The following ACTR3C variants were observed in gnomAD, a reference collection of about 807,000 sequenced individuals.
ACTR3C encodes actin-related protein 3C.
A neutral mutation model predicts 26.3 loss-of-function variants in ACTR3C; 18 were observed. The observed-to-expected ratio is 0.68, with a 90% CI of 0.47 to 1.01. ACTR3C has a LOEUF of 1.01. Ranked by LOEUF, ACTR3C falls within the 50% of genes least tolerant of loss-of-function variation. The pLI, the probability that ACTR3C is intolerant of heterozygous loss-of-function variation, is 0.00. For missense variants in ACTR3C, 184 were observed against 250.7 expected, an observed-to-expected ratio of 0.73 and a Z score of 1.80; for synonymous variants, 55 against 94.5, an observed-to-expected ratio of 0.58 and a Z score of 2.42.
chr7:150,067,300 G>T, the ACTR3C span, among the ~76,000 whole-genome samples: 2 of 152,194 alleles, frequency 1.3e-5, no homozygotes, highest in Non-Finnish European at 2.9e-5. Context: ...GCCTCAGAAC[G>T]CAAGTGTCTT....
At chr7:149,904,402 C>T in the ACTR3C span, among the ~76,000 whole-genome samples, 2 of 150,902 alleles carry the variant, frequency 1.3e-5, no homozygotes, top group African/African-American at 4.8e-5. Flanking sequence ...TGGTGGCGTG[C>T]ACCTGTAGTC....
the ACTR3C span, among the ~76,000 whole-genome samples, chr7:150,111,655 C>T: frequency 8.1e-6 from 1 of 123,098 alleles, no homozygotes; most frequent in Non-Finnish European, 1.7e-5. Context: ...CACGCTCACC[C>T]ACACTCACAC....
At chr7:150,037,658 A>C in the ACTR3C span, among the ~76,000 whole-genome samples, 1 of 103,936 alleles carries the variant, frequency 9.6e-6, no homozygotes. Flanking sequence ...TGGACAACTA[A>C]CACCCACAGT....
chr7:149,900,967 A>C, the ACTR3C span, among the ~76,000 whole-genome samples: 1 of 152,148 alleles, frequency 6.6e-6, no homozygotes, highest in African/African-American at 2.4e-5. Context: ...CAGAAGGCAG[A>C]GGTCACAGTA....
the ACTR3C span, among the ~76,000 whole-genome samples, chr7:150,235,640 T>C: frequency 6.6e-6 from 1 of 152,246 alleles, no homozygotes; most frequent in South Asian, 2.1e-4. Context: ...CAAAATGTAA[T>C]GCAGCCTCAC....
the ACTR3C span, among the ~76,000 whole-genome samples, chr7:150,135,255 C>G: frequency 1.3e-5 from 2 of 152,180 alleles, no homozygotes; most frequent in African/African-American, 2.4e-5. Flanking sequence ...CCGGGGGACA[C>G]AGCGAGACTC....
the ACTR3C span, among the ~76,000 whole-genome samples, chr7:150,173,187 A>G: frequency 1.3e-5 from 2 of 150,076 alleles, no homozygotes; most frequent in Non-Finnish European, 2.9e-5. Flanking sequence ...GCCCTAGCAG[A>G]GGTTCTACAT....
chr7:150,265,957 T>G (rs1200436264), intron 6 of ACTR3C, among the ~76,000 whole-genome samples: 2 of 152,118 alleles, frequency 1.3e-5, no homozygotes. Context: ...GTTACCACAG[T>G]ACAACTGCCA....
chr7:150,090,099 GTTTTA>G, the ACTR3C span, among the ~76,000 whole-genome samples: 3 of 152,184 alleles, frequency 2.0e-5, no homozygotes, highest in Non-Finnish European at 2.9e-5. Context: ...CTAATCCTGT[GTTTTA>G]TTTTATAGTT....
chr7:150,035,784 AAG>A, the ACTR3C span, among the ~76,000 whole-genome samples: 2 of 129,676 alleles, frequency 1.5e-5, no homozygotes, highest in Non-Finnish European at 1.7e-5. Context: ...TGGGGTTCCT[AAG>A]AGCCAGTGGG....
the ACTR3C span, among the ~76,000 whole-genome samples, chr7:150,035,300 CCT>C: frequency 3.2e-4 from 16 of 50,006 alleles, no homozygotes; most frequent in South Asian, 1.3e-3. Context: ...GCCTCCCCCC[CCT>C]TGCGATGGGG....
the ACTR3C span, among the ~76,000 whole-genome samples, chr7:149,955,427 G>A: frequency 4.6e-5 from 7 of 152,172 alleles, no homozygotes; most frequent in Non-Finnish European, 5.9e-5. Flanking sequence ...CACAATGCAA[G>A]GTGATCAGAT....
At chr7:150,071,389 G>A in the ACTR3C span, among the ~76,000 whole-genome samples, 4 of 150,950 alleles carry the variant, frequency 2.6e-5, no homozygotes, top group South Asian at 6.4e-4. Context: ...CTCCCAAAGT[G>A]CTGGGATTAC....
At chr7:149,896,472 C>T in the ACTR3C span, among the ~76,000 whole-genome samples, 1 of 152,290 alleles carries the variant, frequency 6.6e-6, no homozygotes, top group East Asian at 1.9e-4. Context: ...GAGAATAGTA[C>T]TCAATAAACA....
At chr7:150,046,475 G>A in the ACTR3C span, among the ~76,000 whole-genome samples, 18 of 151,442 alleles carry the variant, frequency 1.2e-4, no homozygotes, top group African/African-American at 4.4e-4. Flanking sequence ...GTACTGCCCT[G>A]GGTACGTCAG....
At chr7:150,237,542 T>C in the ACTR3C span, among the ~76,000 whole-genome samples, 1 of 152,098 alleles carries the variant, frequency 6.6e-6, no homozygotes, top group Non-Finnish European at 1.5e-5. Flanking sequence ...ACACCCTGTA[T>C]TGGCTTCCCT....
At chr7:150,198,911 G>A in the ACTR3C span, among the ~76,000 whole-genome samples, 6 of 128,806 alleles carry the variant, frequency 4.7e-5, no homozygotes, top group Admixed American at 1.5e-4. Flanking sequence ...CCAGCCAGCC[G>A]CCCCGTCCGG....
At chr7:150,102,853 T>C in the ACTR3C span, among the ~76,000 whole-genome samples, 3 of 152,118 alleles carry the variant, frequency 2.0e-5, no homozygotes, top group African/African-American at 7.2e-5. Context: ...AAAATGTAGG[T>C]GGCATGAACG....
chr7:149,890,823 G>A, the ACTR3C span: 1,091 of 177,510 alleles, frequency 6.1e-3, 80 homozygotes, highest in East Asian at 0.14. Flanking sequence ...AAAAGTGCAA[G>A]GGAAATCTTC....
Sources: allele counts gnomAD v4.1 joint callset (sites outside exome capture counted in the v4.1 genomes callset), GRCh38; gene constraint gnomAD v4.1.1; transcripts MANE v1.5; gene names NCBI Gene and HGNC (gene_info 2026-07-23, HGNC 2026-07-21).